Variants in FGF14 observed in about 807,000 individuals in gnomAD.
The protein encoded by FGF14 is fibroblast growth factor 14.
FGF14 carries 5 observed loss-of-function variants against 25.5 expected under a neutral mutation model. The observed-to-expected ratio is 0.20, with a 90% CI of 0.10 to 0.41. FGF14 has a LOEUF of 0.41. Ranked by LOEUF, FGF14 falls within the 10% of genes least tolerant of loss-of-function variation. The pLI, the probability that FGF14 is intolerant of heterozygous loss-of-function variation, is 1.00. For missense variants in FGF14, 222 were observed against 320.1 expected (o/e 0.69, Z 2.34); for synonymous variants, 138 against 118.3 (o/e 1.17, Z -1.08).
intron 3 of FGF14, among the ~76,000 whole-genome samples, chr13:101,806,423 GAAAAAA>G (rs145519828): frequency 1.7e-5 from 1 of 60,420 alleles, no homozygotes. Context: ...CGTCTAAGAA[GAAAAAA>G]AAAAAAAAAA....
intron 1 of FGF14, among the ~76,000 whole-genome samples, chr13:101,944,934 G>A (rs538957634): frequency 6.6e-6 from 1 of 152,238 alleles, no homozygotes; most frequent in South Asian, 2.1e-4. Flanking sequence ...TTTTGGTTTT[G>A]CAACATGAAG....
At chr13:101,823,695 C>T (rs1276603232) in intron 3 of FGF14, among the ~76,000 whole-genome samples, 1 of 150,644 alleles carries the variant, frequency 6.6e-6, no homozygotes, top group Non-Finnish European at 1.5e-5. Context: ...CCTCGGCCTC[C>T]CAAACTGCTG....
chr13:102,269,581 G>A (rs904500226), intron 1 of FGF14, among the ~76,000 whole-genome samples: 1 of 152,050 alleles, frequency 6.6e-6, no homozygotes, highest in African/African-American at 2.4e-5. Flanking sequence ...TAGGGATGGA[G>A]TCTCAATATG....
At chr13:102,010,104 C>A (rs16959577) in intron 1 of FGF14, among the ~76,000 whole-genome samples, 7,534 of 152,168 alleles carry the variant, frequency 0.05, 609 homozygotes, top group African/African-American at 0.17. Flanking sequence ...TACCTCTGGG[C>A]CCTATTTAGT....
chr13:101,816,409 A>C (rs1371331947), intron 3 of FGF14, among the ~76,000 whole-genome samples: 1 of 152,166 alleles, frequency 6.6e-6, no homozygotes, highest in Non-Finnish European at 1.5e-5. Flanking sequence ...AGAAGGATTA[A>C]AAATTCACCT....
chr13:101,893,197 C>T (rs2030029447), intron 1 of FGF14, among the ~76,000 whole-genome samples: 1 of 152,118 alleles, frequency 6.6e-6, no homozygotes, highest in African/African-American at 2.4e-5. Flanking sequence ...GAAAGCCAGT[C>T]TCTGCATCTT....
intron 3 of FGF14, among the ~76,000 whole-genome samples, chr13:101,823,941 C>T (rs1594383220): frequency 6.6e-6 from 1 of 151,448 alleles, no homozygotes; most frequent in South Asian, 2.1e-4. Context: ...TATTTATGCA[C>T]ACATTTAAAA....
At chr13:102,140,049 C>CCCG (rs2046578984) in intron 1 of FGF14, among the ~76,000 whole-genome samples, 1 of 143,020 alleles carries the variant, frequency 7.0e-6, no homozygotes, top group African/African-American at 2.7e-5. Context: ...CAAGACCCCC[C>CCCG]CCCCCCCTTA....
intron 1 of FGF14, among the ~76,000 whole-genome samples, chr13:102,312,322 G>A (rs72647475): frequency 0.018 from 2,793 of 151,048 alleles, 60 homozygotes; most frequent in Admixed American, 0.026. Flanking sequence ...ACCTACTTCT[G>A]GACAATACCA....
chr13:101,753,362 C>A (rs953936320), intron 3 of FGF14, among the ~76,000 whole-genome samples: 2 of 151,518 alleles, frequency 1.3e-5, no homozygotes, highest in African/African-American at 4.9e-5. Context: ...TAAAAGAAGA[C>A]CTAAATTCTA....
chr13:101,996,021 A>T (rs1167453580), intron 1 of FGF14, among the ~76,000 whole-genome samples: 2 of 152,158 alleles, frequency 1.3e-5, no homozygotes, highest in Admixed American at 6.5e-5. Flanking sequence ...ATTGTTTGTA[A>T]CTCAAAGGAT....
chr13:101,941,926 T>C (rs1460186857), intron 1 of FGF14, among the ~76,000 whole-genome samples: 1 of 152,208 alleles, frequency 6.6e-6, no homozygotes, highest in Non-Finnish European at 1.5e-5. Context: ...TAGCATTAAG[T>C]ACAAACCTTA....
intron 1 of FGF14, among the ~76,000 whole-genome samples, chr13:102,153,434 C>G (rs1236733097): frequency 6.6e-6 from 1 of 152,164 alleles, no homozygotes; most frequent in Non-Finnish European, 1.5e-5. Context: ...CTTGCACGCC[C>G]TTGAGCAAAT....
intron 1 of FGF14, among the ~76,000 whole-genome samples, chr13:102,136,446 C>T (rs1315621492): frequency 1.3e-5 from 2 of 151,418 alleles, no homozygotes; most frequent in Non-Finnish European, 2.9e-5. Flanking sequence ...GAGCTCATGC[C>T]TCCCATAACA....
intron 1 of FGF14, among the ~76,000 whole-genome samples, chr13:102,251,126 TATTCATTATATTTGATGA>T (rs1443375399): frequency 1.3e-5 from 2 of 152,236 alleles, no homozygotes; most frequent in African/African-American, 4.8e-5. Flanking sequence ...ATGAATGCTA[TATTCATTATATTTGATGA>T]ATTCATTATA....
At chr13:102,116,921 C>T (rs1213478500) in intron 1 of FGF14, among the ~76,000 whole-genome samples, 1 of 152,220 alleles carries the variant, frequency 6.6e-6, no homozygotes, top group Non-Finnish European at 1.5e-5. Flanking sequence ...AGCACCAACA[C>T]TGAATGATCA....
chr13:101,839,530 G>T (rs1277965070), intron 3 of FGF14, among the ~76,000 whole-genome samples: 1 of 151,872 alleles, frequency 6.6e-6, no homozygotes, highest in African/African-American at 2.4e-5. Flanking sequence ...TGTATTTTTT[G>T]ATTTGTAATT....
At position 102,264,721 on chromosome 13, in the gene FGF14, G is replaced by C. The variant is rs751785860; in HGVS notation, c.208+136750C>G. ...AGTCAAAAAGGGCAAGAGGGGAGTG[G>C]TTATTTAAACCTGGAGTCAGAGAAG... On this transcript the variant is annotated intron_variant, in intron 1 of 4. Transcript: ENST00000376131. Among the ~76,000 whole-genome samples the C allele has an allele frequency of 2.0e-3, 297 of 152,282 alleles. 1 individual carries two copies. Among genetic ancestry groups the C allele is most frequent in the Non-Finnish European group, 3.5e-3 (236 of 68,012 alleles).
intron 1 of FGF14, among the ~76,000 whole-genome samples, chr13:102,093,006 G>A (rs1393372217): frequency 6.6e-6 from 1 of 152,152 alleles, no homozygotes; most frequent in Non-Finnish European, 1.5e-5. Flanking sequence ...ATATACATGT[G>A]TATTTTTATT....
Sources: allele counts gnomAD v4.1 joint callset (sites outside exome capture counted in the v4.1 genomes callset), GRCh38; gene constraint gnomAD v4.1.1; transcripts MANE v1.5; gene names NCBI Gene and HGNC (gene_info 2026-07-23, HGNC 2026-07-21).